The following CTNNAL1 variants were observed in gnomAD, a reference collection of about 807,000 sequenced individuals.
CTNNAL1 encodes alpha-catulin.
CTNNAL1 carries 69 observed loss-of-function variants against 93.6 expected under a neutral mutation model. The ratio of observed to expected loss-of-function variants is 0.74; its 90% CI spans 0.61 to 0.90. CTNNAL1 has a LOEUF of 0.90. Among genes scored for constraint, CTNNAL1 ranks in the 40% least tolerant of loss-of-function variants. CTNNAL1 has a pLI of 0.00. For synonymous variants in CTNNAL1, 286 were observed against 305.4 expected (o/e 0.94, Z 0.66); for missense variants, 836 against 862.0 (o/e 0.97, Z 0.38).
At chr9:108,943,113 G>C (rs1830293238) in intron 17 of CTNNAL1, 69 bp from the exon 18 acceptor site, 2 of 1,355,290 alleles carry the variant, frequency 1.5e-6, no homozygotes, top group Non-Finnish European at 2.0e-6. Context: ...CATTTATTTA[G>C]TTTTAACATG....
intron 3 of CTNNAL1, among the ~76,000 whole-genome samples, 191 bp from the exon 4 acceptor site, chr9:108,991,036 G>A (rs1489244652): frequency 2.0e-5 from 3 of 151,992 alleles, no homozygotes; most frequent in Non-Finnish European, 2.9e-5. Context: ...AATTATTAGG[G>A]GAATGATTTG....
At chr9:108,986,882 T>C (rs1831627411) in intron 4 of CTNNAL1, among the ~76,000 whole-genome samples, 2 of 152,222 alleles carry the variant, frequency 1.3e-5, no homozygotes, top group Non-Finnish European at 2.9e-5. Context: ...GTTGTTTGTT[T>C]TTTTCTTGTA....
intron 6 of CTNNAL1, among the ~76,000 whole-genome samples, chr9:108,981,102 C>G (rs1333417046): frequency 1.3e-5 from 2 of 152,238 alleles, no homozygotes; most frequent in Non-Finnish European, 2.9e-5. Flanking sequence ...CCAGAGCTGT[C>G]GGCAGCAGCC....
chr9:108,966,806 A>ATT (rs1224154117), intron 10 of CTNNAL1, among the ~76,000 whole-genome samples: 11 of 152,204 alleles, frequency 7.2e-5, no homozygotes, highest in African/African-American at 2.7e-4. Context: ...GCTAATTGTA[A>ATT]TATAGGCAGA....
At position 108,970,470 on chromosome 9, in the gene CTNNAL1, A is replaced by C; in HGVS notation, c.1372T>G (p.Ser458Ala). 1 of 1,611,880 alleles carries C rather than the reference A, an allele frequency of 6.2e-7. No individual in the cohort carries two copies. Among genetic ancestry groups the C allele is most frequent in the Non-Finnish European group, 8.5e-7 (1 of 1,179,104 alleles). ...GTTATTTCCAGAGGTTCTGTCCCAG[A>C]TATGTGTCGTAACAATCGACAGGTC... ...VETCRLLRHISGTEPLEITCI... is the reference protein window; with the variant it reads ...VETCRLLRHIAGTEPLEITCI... Residue 458 changes from serine (S) to alanine (A), a missense_variant, in exon 10 of 19, where the codon TCT becomes GCT. Coordinates refer to ENST00000325551, the MANE Select transcript of CTNNAL1 (RefSeq NM_003798.4).
intron 9 of CTNNAL1, among the ~76,000 whole-genome samples, chr9:108,971,443 G>A (rs1831115499): frequency 6.6e-6 from 1 of 152,084 alleles, no homozygotes; most frequent in Non-Finnish European, 1.5e-5. Context: ...ACCTTGAATT[G>A]GTAATAATCC....
intron 11 of CTNNAL1, among the ~76,000 whole-genome samples, chr9:108,957,881 G>A (rs1231484806): frequency 6.6e-6 from 1 of 151,950 alleles, no homozygotes; most frequent in Non-Finnish European, 1.5e-5. Flanking sequence ...ACTTTGGGAG[G>A]CTAAGGCAAG....
At chr9:108,969,271 A>G (rs542327995) in intron 10 of CTNNAL1, among the ~76,000 whole-genome samples, 1 of 139,920 alleles carries the variant, frequency 7.1e-6, no homozygotes, top group African/African-American at 3.0e-5. Flanking sequence ...CTCCGTCTCA[A>G]AAAAAAAAAA....
intron 11 of CTNNAL1, among the ~76,000 whole-genome samples, chr9:108,961,441 C>T (rs974592957): frequency 2.2e-4 from 34 of 152,230 alleles, no homozygotes; most frequent in African/African-American, 6.0e-4. Context: ...AACTCCATCT[C>T]AGTGAAACCT....
At chr9:108,980,049 C>G (rs1368418907) in intron 6 of CTNNAL1, among the ~76,000 whole-genome samples, 1 of 152,232 alleles carries the variant, frequency 6.6e-6, no homozygotes, top group African/African-American at 2.4e-5. Context: ...ACCAGAGGGT[C>G]TGTATAATCT....
At chr9:108,979,510 C>A in intron 6 of CTNNAL1, 29 bp from the exon 7 acceptor site, 1 of 1,606,700 alleles carries the variant, frequency 6.2e-7, no homozygotes, top group South Asian at 1.1e-5. Context: ...TCTATCCATC[C>A]ATGTGAGTCA....
intron 10 of CTNNAL1, among the ~76,000 whole-genome samples, chr9:108,967,317 T>A (rs1830982219): frequency 6.6e-6 from 1 of 152,196 alleles, no homozygotes. Flanking sequence ...AATAGGATAA[T>A]GTGATAGAGA....
chr9:108,996,014 T>C (rs752026181), intron 2 of CTNNAL1, among the ~76,000 whole-genome samples: 7 of 151,608 alleles, frequency 4.6e-5, no homozygotes, highest in Non-Finnish European at 8.8e-5. Context: ...CAGGCTGGAG[T>C]GCAGTGGCAC....
At chr9:109,013,165 G>A in intron 1 of CTNNAL1, 137 bp downstream of exon 1, 1 of 1,119,008 alleles carries the variant, frequency 8.9e-7, no homozygotes, top group Non-Finnish European at 1.2e-6. Context: ...CCCCACACAG[G>A]CGGTCCGACA....
chr9:108,986,287 T>C (rs986944942), intron 4 of CTNNAL1, among the ~76,000 whole-genome samples: 4 of 151,326 alleles, frequency 2.6e-5, no homozygotes, highest in African/African-American at 9.7e-5. Flanking sequence ...GTTTGGTTTT[T>C]TGTCCTTGCG....
At chr9:108,955,588 C>T (rs541029688) in intron 12 of CTNNAL1, among the ~76,000 whole-genome samples, 18 of 152,148 alleles carry the variant, frequency 1.2e-4, no homozygotes, top group Non-Finnish European at 1.9e-4. Context: ...CTCTCAAACC[C>T]CCAAACCTAA....
intron 8 of CTNNAL1, among the ~76,000 whole-genome samples, chr9:108,975,481 T>A (rs780938502): frequency 1.3e-5 from 2 of 152,234 alleles, no homozygotes; most frequent in Middle Eastern, 3.4e-3. Flanking sequence ...CAACTTTCTC[T>A]CTTCTCTCTC....
chr9:108,979,814 G>C (rs1831375856), intron 6 of CTNNAL1, among the ~76,000 whole-genome samples: 1 of 152,260 alleles, frequency 6.6e-6, no homozygotes, highest in African/African-American at 2.4e-5. Context: ...ATTTGCATCT[G>C]AGAAAATGCC....
In CTNNAL1 at chr9:108,983,131, CTCTT is replaced by C; in HGVS notation, c.900+10_900+13del. The C allele has an allele frequency of 6.8e-7, 1 of 1,468,666 alleles. No homozygotes were observed. Among genetic ancestry groups the C allele is most frequent in the South Asian group, 1.6e-5 (1 of 63,990 alleles). The allele number at this position is 1,468,666 out of a possible 1,614,324, so 91.0% of individuals were successfully genotyped here. ...AAGAAGAGAAAAATAAAAATATACT[CTCTT>C]TATTCTTACCTTGAATTCCTTAATT... On this transcript the variant is annotated intron_variant, in intron 6 of 18. Transcript: ENST00000325551.
Sources: gnomAD v4.1 joint callset for allele counts (sites outside exome capture counted in the v4.1 genomes callset) on GRCh38, gnomAD v4.1.1 for gene constraint, MANE v1.5 for transcripts, NCBI Gene and HGNC (gene_info 2026-07-23, HGNC 2026-07-21) for gene names.